Variants in SLC47A1 observed in about 807,000 individuals in gnomAD.
SLC47A1 encodes the protein solute carrier family 47 member 1.
In SLC47A1, 58 loss-of-function variants were observed where a neutral mutation model predicts 65.8. The ratio of observed to expected loss-of-function variants is 0.88; its 90% confidence interval spans 0.71 to 1.10. The LOEUF (loss-of-function observed/expected upper bound fraction) is 1.10, where lower values mean the gene tolerates loss of function less well. Ranked by LOEUF, SLC47A1 falls within the 50% of genes least tolerant of loss-of-function variation. The pLI, the probability that SLC47A1 is intolerant of heterozygous loss-of-function variation, is 0.00. For synonymous variants in SLC47A1, 285 were observed against 295.0 expected, an observed-to-expected ratio of 0.97 and a Z score of 0.35; for missense variants, 706 against 719.2, an observed-to-expected ratio of 0.98 and a Z score of 0.21.
At chr17:19,560,600 A>G (rs1254373069) in intron 12 of SLC47A1, 107 bp downstream of exon 12, 2 of 1,136,444 alleles carry the variant, frequency 1.8e-6, no homozygotes, top group African/African-American at 3.0e-5. Flanking sequence ...GCTGTTTGAA[A>G]TCATATCAGT....
chr17:19,555,682 C>T lies in SLC47A1; in HGVS notation c.731C>T (p.Thr244Ile). Residue 244 changes from threonine (T) to isoleucine (I), a missense_variant, in exon 8 of 17, where the codon ACA becomes ATA. Transcript: ENST00000270570. ...YILGKKLHQATWGGWSLECLQ... is the reference protein window; with the variant it reads ...YILGKKLHQAIWGGWSLECLQ... ...CTCGGGAAAAAACTGCATCAAGCTA[C>T]ATGGGGAGGTAATGACTGCCCTTTT... The T allele has an allele frequency of 1.9e-6, 3 of 1,614,200 alleles. 1 individual carries two copies. Among genetic ancestry groups the T allele is most frequent in the Middle Eastern group, 3.3e-4 (2 of 6,062 alleles).
At chr17:19,571,281 G>T (rs1486282554) in intron 14 of SLC47A1, among the ~76,000 whole-genome samples, 197 bp from the exon 15 acceptor site, 1 of 152,078 alleles carries the variant, frequency 6.6e-6, no homozygotes, top group Non-Finnish European at 1.5e-5. Context: ...GGAGTACTGG[G>T]CTTTCCAGAA....
chr17:19,539,313 T>G (rs567930878), intron 1 of SLC47A1, among the ~76,000 whole-genome samples: 79 of 152,272 alleles, frequency 5.2e-4, no homozygotes, highest in African/African-American at 1.8e-3. Flanking sequence ...GAACAGGCCT[T>G]TGTCCAGAAT....
At position 19,534,041 on chromosome 17, in the gene SLC47A1, G is replaced by C; in HGVS notation, c.102G>C (p.Glu34Asp). The stretch of plus-strand genomic sequence containing the variant: ...TGCGGCTGTCCGCCTTCCGAGAAGA[G>C]CTGCGGGCGCTCTTGGTCCTGGCTG... The part of the protein sequence containing the change: ...RCLRLSAFRE[E>D]LRALLVLAGP... Residue 34 changes from glutamate (E) to aspartate (D), a missense_variant, in exon 1 of 17, where the codon GAG (glutamate) becomes GAC (aspartate). Transcript: ENST00000270570. The C allele has an allele frequency of 6.5e-7, 1 of 1,547,462 alleles. No individual in the cohort carries two copies. Among genetic ancestry groups the C allele is most frequent in the Non-Finnish European group, 8.7e-7 (1 of 1,147,488 alleles).
chr17:19,563,978 G>A (rs2084336637), intron 12 of SLC47A1, among the ~76,000 whole-genome samples: 1 of 144,754 alleles, frequency 6.9e-6, no homozygotes, highest in African/African-American at 2.5e-5. Context: ...GACAGAGCGA[G>A]ACTCCGTCTC....
intron 4 of SLC47A1, among the ~76,000 whole-genome samples, chr17:19,548,664 T>C (rs1289886812): frequency 6.6e-6 from 1 of 152,148 alleles, no homozygotes; most frequent in Non-Finnish European, 1.5e-5. Context: ...CACGCCTGGC[T>C]AATTTTTGTA....
Position 19,572,844 on chromosome 17 carries a change from A to G in SLC47A1, c.1469A>G (p.Gln490Arg). ...VPRSGNSALP[Q>R]DPLHPGCPEN... ...CGGAGTGGGAATTCTGCTCTCCCTC[A>G]GGATCCGCTTCACCCAGGTAAGATA... The change falls in exon 16 of 17, where the codon CAG becomes CGG. Residue 490 changes from glutamine to arginine, a missense_variant. By Grantham distance (43) the Gln-to-Arg change is conservative. Coordinates refer to ENST00000270570, the MANE Select transcript of SLC47A1 (RefSeq NM_018242.3). The G allele has an allele frequency of 6.2e-7, 1 of 1,614,102 alleles. No homozygotes were observed.
In SLC47A1 at chr17:19,563,513, G is replaced by A. The variant is rs552631556; in HGVS notation, c.1106+3020G>A. ...TTTTATAAAATCTTCAAAACATGGG[G>A]AATTGCAAACATAGATAAAACAGAA... On this transcript the variant is annotated intron_variant, in intron 12 of 16. Coordinates refer to ENST00000270570, the MANE Select transcript of SLC47A1 (RefSeq NM_018242.3). Among the ~76,000 whole-genome samples, 22 of 152,058 alleles carry A rather than the reference G, an allele frequency of 1.4e-4. 1 individual carries two copies. The East Asian group carries it at 3.5e-3, about 24-fold the overall frequency.
chr17:19,557,619 G>A (rs1916655554), intron 10 of SLC47A1: 2 of 518,240 alleles, frequency 3.9e-6, no homozygotes, highest in Non-Finnish European at 7.7e-6. Context: ...GTGACCCTGG[G>A]AACATTAACT....
intron 10 of SLC47A1, chr17:19,559,964 C>A: frequency 1.9e-6 from 1 of 513,842 alleles, no homozygotes; most frequent in Non-Finnish European, 3.5e-6. Context: ...AGGTTGGAAG[C>A]TCTGCAGCAA....
At chr17:19,552,989 AAG>A (rs1443792303) in intron 6 of SLC47A1, among the ~76,000 whole-genome samples, 1 of 152,052 alleles carries the variant, frequency 6.6e-6, no homozygotes, top group Non-Finnish European at 1.5e-5. Context: ...GTCTGTGATG[AAG>A]AGTTTGCGTT....
chr17:19,546,561 A>G (rs780154584), intron 3 of SLC47A1, 58 bp downstream of exon 3: 72 of 1,529,298 alleles, frequency 4.7e-5, no homozygotes, highest in Non-Finnish European at 6.0e-5. Context: ...TCAAGTGTAG[A>G]TGGAAGAGCT....
chr17:19,548,540 C>T (rs540733020), intron 4 of SLC47A1, among the ~76,000 whole-genome samples: 96 of 151,238 alleles, frequency 6.3e-4, no homozygotes, highest in Middle Eastern at 3.4e-3. Context: ...CACTCCGTCC[C>T]CCAGACTGGA....
At chr17:19,563,067 A>G (rs1407572701) in intron 12 of SLC47A1, among the ~76,000 whole-genome samples, 2 of 150,464 alleles carry the variant, frequency 1.3e-5, no homozygotes, top group Non-Finnish European at 3.0e-5. Context: ...ATTGATCAGT[A>G]TGTACCCTAG....
intron 14 of SLC47A1, 83 bp downstream of exon 14, chr17:19,567,311 G>A: frequency 1.9e-6 from 3 of 1,586,010 alleles, no homozygotes; most frequent in Non-Finnish European, 2.6e-6. Context: ...CTTTGACTGA[G>A]GCTCACCTCT....
chr17:19,536,458 T>C lies in SLC47A1; in HGVS notation c.135+2384T>C, dbSNP rs574299162. ...TATTACAAATGTCATGCATATTTAC[T>C]GTAGAAAAAAATAGAAAACCAAGAC... On this transcript the variant is annotated intron_variant, in intron 1 of 16. Coordinates refer to ENST00000270570, the MANE Select transcript of SLC47A1 (RefSeq NM_018242.3). Among the ~76,000 whole-genome samples, 276 of 152,206 alleles carry C rather than the reference T, an allele frequency of 1.8e-3. 1 individual carries two copies. Among genetic ancestry groups the C allele is most frequent in the African/African-American group, 6.4e-3 (265 of 41,526 alleles).
chr17:19,534,260 C>G (rs1915929131), intron 1 of SLC47A1, 186 bp downstream of exon 1: 1 of 681,136 alleles, frequency 1.5e-6, no homozygotes, highest in African/African-American at 1.9e-5. Context: ...CGGCCGCTTT[C>G]CGCTCCGCAC....
In SLC47A1 at chr17:19,555,254, C is replaced by A; in HGVS notation, c.586C>A (p.Leu196Ile). The part of the protein sequence containing the change: ...PQIVTGVAAN[L>I]VNALANYLFL... ...GATCGTAACTGGAGTTGCAGCCAAC[C>A]TTGTCAATGCCCTCGCCAACTATCT... is the stretch of plus-strand genomic sequence containing the variant. Residue 196 changes from leucine to isoleucine, a missense_variant, in exon 7 of 17, where the codon CTT becomes ATT. By Grantham distance (5) the Leu-to-Ile change is conservative (BLOSUM62 2). Coordinates refer to ENST00000270570, the MANE Select transcript of SLC47A1 (RefSeq NM_018242.3). 3.7e-6 allele frequency: 6 copies of A among 1,614,210 alleles called. No individual in the cohort carries two copies. The highest frequency in any genetic ancestry group is 5.1e-6 in the Non-Finnish European group (6 of 1,180,046).
Position 19,546,331 on chromosome 17 carries a change from A to G in SLC47A1, c.238-104A>G, listed in dbSNP as rs1194565618. ...CAAAGTTGGTAAAATTGACTTGTGA[A>G]TGCTGAAGGAGGAGCTTTGCAGGCT... On this transcript the variant is annotated intron_variant, in intron 2 of 16. Transcript: ENST00000270570. 9.6e-6 allele frequency: 11 copies of G among 1,145,056 alleles called. No homozygotes were observed. In the Admixed American group the frequency reaches 2.2e-4, roughly 23 times the overall value. 70.9% of individuals were successfully genotyped at this position (1,145,056 alleles called of 1,614,324 possible). A position where few individuals can be genotyped will look rare whatever the true frequency, so the allele number is the denominator to read the frequency against.
Sources: gnomAD v4.1 joint callset for allele counts (sites outside exome capture counted in the v4.1 genomes callset) on GRCh38, gnomAD v4.1.1 for gene constraint, MANE v1.5 for transcripts, NCBI Gene and HGNC (gene_info 2026-07-23, HGNC 2026-07-21) for gene names.